Variants in SOHLH2 observed in about 807,000 individuals in gnomAD.
SOHLH2 encodes the protein spermatogenesis and oogenesis specific basic helix-loop-helix 2.
A neutral mutation model predicts 50.4 loss-of-function variants in SOHLH2; 22 were observed. The ratio of observed to expected loss-of-function variants is 0.44; its 90% CI spans 0.31 to 0.62. The LOEUF is 0.62. SOHLH2 is among the 20% of genes least tolerant of loss of function. The pLI is 0.08. For synonymous variants in SOHLH2, 185 were observed against 187.3 expected (o/e 0.99, Z 0.10); for missense variants, 412 against 504.4 (o/e 0.82, Z 1.76).
At chr13:36,201,643 A>T (rs192119613) in intron 2 of SOHLH2, among the ~76,000 whole-genome samples, 2 of 152,204 alleles carry the variant, frequency 1.3e-5, no homozygotes, top group South Asian at 2.1e-4. Context: ...ATTTTTTAAA[A>T]TTTTTTGTAG....
intron 6 of SOHLH2, among the ~76,000 whole-genome samples, chr13:36,186,919 G>A (rs1236003676): frequency 1.3e-5 from 2 of 152,120 alleles, no homozygotes; most frequent in Non-Finnish European, 2.9e-5. Context: ...TAAAGCAGGT[G>A]AGTGGAAGAG....
At chr13:36,211,959 C>A (rs2138337187) in intron 1 of SOHLH2, among the ~76,000 whole-genome samples, 1 of 152,272 alleles carries the variant, frequency 6.6e-6, no homozygotes, top group South Asian at 2.1e-4. Flanking sequence ...TAATAGAAAT[C>A]AACTGCCTAG....
At chr13:36,191,566 A>G (rs1887573859) in intron 5 of SOHLH2, among the ~76,000 whole-genome samples, 1 of 152,192 alleles carries the variant, frequency 6.6e-6, no homozygotes, top group Admixed American at 6.5e-5. Context: ...CATATTCCCC[A>G]ATGATGGGGA....
intron 2 of SOHLH2, 152 bp from the exon 3 acceptor site, chr13:36,194,019 G>T: frequency 1.5e-6 from 1 of 666,594 alleles, no homozygotes; most frequent in Non-Finnish European, 2.3e-6. Context: ...TTTAGTAAAA[G>T]TAGCATCTCA....
intron 5 of SOHLH2, 64 bp from the exon 6 acceptor site, chr13:36,190,120 T>C: frequency 1.4e-6 from 2 of 1,444,156 alleles, no homozygotes; most frequent in Admixed American, 2.0e-5. Context: ...AATTAAATAA[T>C]ACGCACCAAT....
chr13:36,179,223 AC>A lies in SOHLH2; in HGVS notation c.642-4355del, dbSNP rs563261517. Among the ~76,000 whole-genome samples the A allele has an allele frequency of 2.3e-3, 351 of 152,346 alleles. 2 individuals are homozygous for A. Among genetic ancestry groups the A allele is most frequent in the African/African-American group, 8.1e-3 (337 of 41,586 alleles). The stretch of plus-strand genomic sequence containing the variant: ...AGCAGTCAACATGTTATCACTAAGT[AC>A]AATGTTAGTTATAAGTTTTTTATAG... On this transcript the variant is annotated intron_variant, in intron 6 of 10. Transcript: ENST00000379881.
At position 36,170,790 on chromosome 13, in the gene SOHLH2, T is replaced by C. The variant is rs1886943176; in HGVS notation, c.1001-3A>G. ...CTCTGAGGCGGAGCTTGATGGAACT[T>C]TAATGAGAAAGAAAACAAATATGGG... is the stretch of plus-strand genomic sequence containing the variant. On this transcript the variant is annotated splice_polypyrimidine_tract_variant and splice_region_variant and intron_variant, in intron 9 of 10. Coordinates refer to ENST00000379881, the MANE Select transcript of SOHLH2 (RefSeq NM_017826.3). 1.9e-6 allele frequency: 3 copies of C among 1,609,646 alleles called. No homozygotes were observed. Among genetic ancestry groups the C allele is most frequent in the Non-Finnish European group, 2.5e-6 (3 of 1,176,684 alleles).
chr13:36,169,203 TA>T (rs1235140279), intron 10 of SOHLH2, 149 bp from the exon 11 acceptor site: 29 of 1,196,818 alleles, frequency 2.4e-5, no homozygotes, highest in Non-Finnish European at 3.2e-5. Flanking sequence ...TACAGGTTTT[TA>T]AATATATATT....
intron 6 of SOHLH2, among the ~76,000 whole-genome samples, chr13:36,189,467 T>C (rs913399649): frequency 1.3e-5 from 2 of 152,118 alleles, no homozygotes; most frequent in Non-Finnish European, 2.9e-5. Flanking sequence ...CCAGCCTCTG[T>C]ACCTATTATT....
At chr13:36,192,258 C>T (rs1000605261) in intron 4 of SOHLH2, among the ~76,000 whole-genome samples, 3 of 152,088 alleles carry the variant, frequency 2.0e-5, no homozygotes, top group East Asian at 3.9e-4. Flanking sequence ...GCTGCACTGT[C>T]GAAATATAGC....
intron 10 of SOHLH2, 122 bp from the exon 11 acceptor site, chr13:36,169,176 C>T (rs1886896277): frequency 5.8e-6 from 8 of 1,370,100 alleles, no homozygotes; most frequent in Non-Finnish European, 7.7e-6. Context: ...TATGTTAAAT[C>T]CTCAGGTGAA....
At chr13:36,172,665 C>T (rs1196110859) in intron 9 of SOHLH2, among the ~76,000 whole-genome samples, 2 of 152,188 alleles carry the variant, frequency 1.3e-5, no homozygotes, top group African/African-American at 4.8e-5. Flanking sequence ...CAAGAACTGC[C>T]TTTTATTCAT....
At position 36,173,318 on chromosome 13, in the gene SOHLH2, G is replaced by T. The variant is rs568215614; in HGVS notation, c.1000+374C>A. Among the ~76,000 whole-genome samples the T allele has an allele frequency of 2.0e-5, 3 of 152,310 alleles. No homozygotes were observed. The East Asian group carries it at 5.8e-4, about 29-fold the overall frequency. ...AGTGGCTGAGAAGATCTCTTTGAGA[G>T]GTGACATGCAAGCAAAGGCATGAAG... On this transcript the variant is annotated intron_variant, in intron 9 of 10. Transcript: ENST00000379881.
At chr13:36,213,261 A>G (rs1372016746) in intron 1 of SOHLH2, among the ~76,000 whole-genome samples, 1 of 152,188 alleles carries the variant, frequency 6.6e-6, no homozygotes, top group African/African-American at 2.4e-5. Flanking sequence ...TTCAGAATTC[A>G]TTTTGTGCAG....
chr13:36,195,837 C>T (rs1887707892), intron 2 of SOHLH2, among the ~76,000 whole-genome samples: 1 of 151,902 alleles, frequency 6.6e-6, no homozygotes, highest in Admixed American at 6.6e-5. Flanking sequence ...GGAGTTTAGG[C>T]TGAGAGAGAG....
intron 1 of SOHLH2, among the ~76,000 whole-genome samples, chr13:36,202,910 C>A (rs1868511908): frequency 6.6e-6 from 1 of 152,212 alleles, no homozygotes; most frequent in Admixed American, 6.5e-5. Flanking sequence ...AAAGAAGCAA[C>A]TCCACAGGGC....
Position 36,204,277 on chromosome 13 carries a change from G to A in SOHLH2, c.49-2184C>T, listed in dbSNP as rs555017514. On this transcript the variant is annotated intron_variant, in intron 1 of 10. Coordinates refer to ENST00000379881, the MANE Select transcript of SOHLH2 (RefSeq NM_017826.3). ...TTTAATTCTGATTATAAGGTCTCTTGTCACTAATAAATATTTAATATTTAG... is the reference window on the plus strand; with the variant it reads ...TTTAATTCTGATTATAAGGTCTCTTATCACTAATAAATATTTAATATTTAG... Among the ~76,000 whole-genome samples the A allele has an allele frequency of 2.0e-5, 3 of 152,130 alleles. 1 individual carries two copies. The South Asian group carries it at 6.2e-4, about 32-fold the overall frequency.
At chr13:36,181,867 T>C (rs1265481636) in intron 6 of SOHLH2, 1 of 300,454 alleles carries the variant, frequency 3.3e-6, no homozygotes, top group Non-Finnish European at 4.9e-6. Flanking sequence ...GGTCCACTGG[T>C]GTCAAAATAT....
chr13:36,190,031 C>T lies in SOHLH2; in HGVS notation c.556G>A (p.Gly186Arg). 1 of 1,605,510 alleles carries T rather than the reference C, an allele frequency of 6.2e-7. No individual in the cohort carries two copies. The highest frequency in any genetic ancestry group is 1.3e-5 in the African/African-American group (1 of 74,856). Residue 186 changes from glycine (G) to arginine (R), a missense_variant, in exon 6 of 11, where the codon GGG becomes AGG. Coordinates refer to ENST00000379881, the MANE Select transcript of SOHLH2 (RefSeq NM_017826.3). Reference protein sequence around the residue: ...ACSESLRNGNGLELNASLSEF... With the variant: ...ACSESLRNGNRLELNASLSEF... ...GACAACGAAGCATTTAATTCAAGCC[C>T]ATTGCCATTCCTTAAAGATTCAGAG... is the stretch of plus-strand genomic sequence containing the variant.
Sources: gnomAD v4.1 joint callset for allele counts (sites outside exome capture counted in the v4.1 genomes callset) on GRCh38, gnomAD v4.1.1 for gene constraint, MANE v1.5 for transcripts, NCBI Gene and HGNC (gene_info 2026-07-23, HGNC 2026-07-21) for gene names.